PAN2: variants seen among roughly 807,000 people sequenced by gnomAD.
PAN2 encodes poly(A) specific ribonuclease subunit PAN2.
In PAN2, 68 loss-of-function variants were observed where a neutral mutation model predicts 133.3. That is an observed-to-expected ratio of 0.51 (90% CI 0.42 to 0.62). The LOEUF (loss-of-function observed/expected upper bound fraction) is 0.62, where lower values mean the gene tolerates loss of function less well. Ranked by LOEUF, PAN2 falls within the 20% of genes least tolerant of loss-of-function variation. The pLI is 0.00. For synonymous variants in PAN2, 462 were observed against 544.6 expected, an observed-to-expected ratio of 0.85 and a Z score of 2.11; for missense variants, 1,042 against 1,500.5, an observed-to-expected ratio of 0.69 and a Z score of 5.05.
intron 6 of PAN2, 107 bp downstream of exon 6, chr12:56,327,257 G>A (rs1165469896): frequency 1.6e-6 from 2 of 1,250,048 alleles, no homozygotes; most frequent in Non-Finnish European, 2.3e-6. Flanking sequence ...CCTGATGAAA[G>A]GTTACTTCTT....
chr12:56,329,960 AAAG>A (rs1875565288), intron 2 of PAN2, among the ~76,000 whole-genome samples: 1 of 151,618 alleles, frequency 6.6e-6, no homozygotes, highest in Non-Finnish European at 1.5e-5. Flanking sequence ...AAAAAAAAAA[AAAG>A]CCCTTCAGTG....
chr12:56,325,014 T>C lies in PAN2; in HGVS notation c.1594A>G (p.Ile532Val). 6.2e-7 allele frequency: 1 copy of C among 1,614,020 alleles called. No homozygotes were observed. The highest frequency in any genetic ancestry group is 2.2e-5 in the East Asian group (1 of 44,890). The change falls in exon 10 of 26, where the codon ATC becomes GTC. Residue 532 changes from isoleucine to valine, a missense_variant. Around this residue, in one of 3 missense-constraint regions of PAN2, gnomAD observed 908 missense variants for 1,223.5 expected, o/e 0.74. Coordinates refer to ENST00000440411, the MANE Select transcript of PAN2 (RefSeq NM_014871.6). Reference protein sequence around the residue: ...HIPNAYCNCMIQVLYFLEPVR... With the variant: ...HIPNAYCNCMVQVLYFLEPVR... ...CAGGAATACCCAACCCTTACCTGGATCATGCAGTTACAGTAGGCGTTGGGA... is the reference window on the plus strand; with the variant it reads ...CAGGAATACCCAACCCTTACCTGGACCATGCAGTTACAGTAGGCGTTGGGA...
At chr12:56,327,287 A>G (rs1875229841) in intron 6 of PAN2, 77 bp downstream of exon 6, 9 of 1,487,584 alleles carry the variant, frequency 6.1e-6, no homozygotes, top group South Asian at 2.4e-5. Context: ...AAGAGGTTTC[A>G]GGATGAGTAC....
intron 20 of PAN2, 63 bp downstream of exon 20, chr12:56,322,015 A>C: frequency 1.2e-6 from 1 of 826,138 alleles, no homozygotes. Flanking sequence ...GCAATGTCCC[A>C]GATCTCACCC....
Position 56,317,461 on chromosome 12 carries a change from T to C in PAN2, c.*148A>G. 1.5e-6 allele frequency: 1 copy of C among 675,446 alleles called. No homozygotes were observed. The highest frequency in any genetic ancestry group is 2.6e-5 in the East Asian group (1 of 38,440). 41.8% of individuals were successfully genotyped at this position (675,446 alleles called of 1,614,324 possible). On this transcript the variant is annotated 3_prime_UTR_variant, in exon 26 of 26. Coordinates refer to ENST00000440411, the MANE Select transcript of PAN2 (RefSeq NM_014871.6). Reference sequence around the variant, plus strand: ...TGCAACAATTCTGCTGTGTTCCAGTTCAATTAATAGCACCATCTGTGACCC... The same window carrying C: ...TGCAACAATTCTGCTGTGTTCCAGTCCAATTAATAGCACCATCTGTGACCC...
chr12:56,329,551 G>A (rs948530608), intron 2 of PAN2, among the ~76,000 whole-genome samples: 23 of 151,576 alleles, frequency 1.5e-4, no homozygotes, highest in Non-Finnish European at 3.2e-4. Flanking sequence ...GGCTGGTTTC[G>A]AACTCCTGAC....
Position 56,319,998 on chromosome 12 carries a change from C to T in PAN2, c.2812G>A (p.Val938Ile). 1.2e-6 allele frequency: 2 copies of T among 1,614,172 alleles called. No individual in the cohort carries two copies. The highest frequency in any genetic ancestry group is 1.7e-6 in the Non-Finnish European group (2 of 1,180,032). Residue 938 changes from valine (V) to isoleucine (I), a missense_variant, in exon 21 of 26, where the codon GTC (valine) becomes ATC (isoleucine). Physicochemically the swap from Val to Ile is conservative, Grantham distance 29 (BLOSUM62 3). Transcript: ENST00000440411. The surrounding 1 kb of genome is among the most constrained non-coding windows in gnomAD (Gnocchi z 5.4). ...LNIKNPIEASVLLAEASLARK... is the reference protein window; with the variant it reads ...LNIKNPIEASILLAEASLARK... The stretch of plus-strand genomic sequence containing the variant: ...GCCAGCGAGGCTTCAGCCAGCAAGA[C>T]ACTTGCCTCAATAGGGTTCTTGACT...
chr12:56,331,558 G>A (rs1290901731), intron 2 of PAN2, among the ~76,000 whole-genome samples: 1 of 152,144 alleles, frequency 6.6e-6, no homozygotes, highest in East Asian at 1.9e-4. Context: ...CAAGGATTAT[G>A]TTTTATTTAG....
chr12:56,322,205 T>C (rs761246305), intron 19 of PAN2, 37 bp from the exon 20 acceptor site: 2 of 1,344,170 alleles, frequency 1.5e-6, no homozygotes, highest in South Asian at 2.4e-5. Flanking sequence ...CTAATGTATA[T>C]CACCCTTTTC....
rs879005221 is a variant in PAN2 at position 56,319,913 on chromosome 12, T to C, written c.2897A>G (p.Gln966Arg). The change falls in exon 21 of 26, where the codon CAG becomes CGG. Residue 966 changes from glutamine to arginine, a missense_variant. Physicochemically the swap from Gln to Arg is conservative, Grantham distance 43 (BLOSUM62 1). Transcript: ENST00000440411. This position sits in a 1 kb window ranked among gnomAD's most constrained non-coding sequence, Gnocchi z 5.4. ...ATCCAGACCCACCAGGTCCCCAATC[T>C]GTGGCATCTCATTCAGCATCAGTGG... Reference protein sequence around the residue: ...FIPLMLNEMPQIGDLVGLDAE... With the variant: ...FIPLMLNEMPRIGDLVGLDAE... The C allele has an allele frequency of 6.2e-7, 1 of 1,614,248 alleles. No homozygotes were observed. The highest frequency in any genetic ancestry group is 1.1e-5 in the South Asian group (1 of 91,088).
Position 56,317,385 on chromosome 12 carries a change from C to T in PAN2, c.*224G>A. 1 of 586,056 alleles carries T rather than the reference C, an allele frequency of 1.7e-6. No homozygotes were observed. The highest frequency in any genetic ancestry group is 3.1e-6 in the Non-Finnish European group (1 of 325,604). The allele number at this position is 586,056 out of a possible 1,614,324, so 36.3% of individuals were successfully genotyped here. A position where few individuals can be genotyped will look rare whatever the true frequency, so the allele number is the denominator to read the frequency against. Reference sequence around the variant, plus strand: ...GTCAATTCTAGACTCCATGTCTGTACCACTGTTTTGCAAAGAATGAAGAAG... The same window carrying T: ...GTCAATTCTAGACTCCATGTCTGTATCACTGTTTTGCAAAGAATGAAGAAG... On this transcript the variant is annotated 3_prime_UTR_variant, in exon 26 of 26. Transcript: ENST00000440411.
At position 56,324,661 on chromosome 12, in the gene PAN2, A is replaced by G; in HGVS notation, c.1648T>C (p.Cys550Arg). The G allele has an allele frequency of 6.2e-7, 1 of 1,614,170 alleles. No individual in the cohort carries two copies. Among genetic ancestry groups the G allele is most frequent in the South Asian group, 1.1e-5 (1 of 91,082 alleles). The part of the protein sequence containing the change: ...PVRCLIQNHL[C>R]QKEFCLACEL... ...CATGCCAGACAGAACTCCTTCTGGC[A>G]AAGGTGGTTTTGAATTAGACAGCGT... is the stretch of plus-strand genomic sequence containing the variant. Residue 550 changes from cysteine to arginine, a missense_variant, in exon 11 of 26, where the codon TGC (cysteine) becomes CGC (arginine). Physicochemically the swap from Cys to Arg is radical, Grantham distance 180. This residue lies in a region of PAN2 where 908 missense variants were observed against 1,223.5 expected (regional missense o/e 0.74). Transcript: ENST00000440411.
chr12:56,328,440 C>T (rs745487595), intron 3 of PAN2, 32 bp downstream of exon 3: 24 of 1,611,058 alleles, frequency 1.5e-5, no homozygotes, highest in South Asian at 1.1e-4. Flanking sequence ...GAGGCATCCT[C>T]GTTCCTAGTC....
chr12:56,321,473 C>G (rs1874525325), intron 20 of PAN2, among the ~76,000 whole-genome samples: 1 of 150,312 alleles, frequency 6.7e-6, no homozygotes, highest in Non-Finnish European at 1.5e-5. Context: ...AAGTGATCTG[C>G]CCGCCTCAGC....
In PAN2 at chr12:56,323,574, G is replaced by A; in HGVS notation, c.2197C>T (p.Leu733=). 1 of 1,614,160 alleles carries A rather than the reference G, an allele frequency of 6.2e-7. No homozygotes were observed. Among genetic ancestry groups the A allele is most frequent in the Non-Finnish European group, 8.5e-7 (1 of 1,179,982 alleles). The change falls in exon 15 of 26, where the codon CTG becomes TTG. Residue 733 remains leucine, a synonymous_variant. Transcript: ENST00000440411. ...PTIQTRNIRH[L]PDILVINCEV... is the part of the protein sequence containing the mutation. ...CAATTGATGACAAGAATATCTGGCA[G>A]ATGGCGGATGTTGCGGGTCTGAATC... is the stretch of plus-strand genomic sequence containing the variant.
At position 56,317,543 on chromosome 12, in the gene PAN2, C is replaced by A. The variant is rs1015607257; in HGVS notation, c.*66G>T. ...GACAAGGTATAGCCAACTTAGGAAG[C>A]CATCTCCCAGTTCTGGGGCTATAGA... On this transcript the variant is annotated 3_prime_UTR_variant, in exon 26 of 26. Transcript: ENST00000440411. 1.4e-6 allele frequency: 2 copies of A among 1,415,646 alleles called. No individual in the cohort carries two copies. The highest frequency in any genetic ancestry group is 1.0e-6 in the Non-Finnish European group (1 of 1,001,978). The allele number at this position is 1,415,646 out of a possible 1,614,324, so 87.7% of individuals were successfully genotyped here.
Position 56,326,325 on chromosome 12 carries a change from C to G in PAN2, c.1347G>C (p.Arg449Ser). 6.2e-7 allele frequency: 1 copy of G among 1,601,100 alleles called. No individual in the cohort carries two copies. Among genetic ancestry groups the G allele is most frequent in the South Asian group, 1.1e-5 (1 of 90,004 alleles). Residue 449 changes from arginine (R) to serine (S), a missense_variant, in exon 8 of 26, where the codon AGG (arginine) becomes AGC (serine). Coordinates refer to ENST00000440411, the MANE Select transcript of PAN2 (RefSeq NM_014871.6). Reference sequence around the variant, plus strand: ...ACTCTGAACACACCTGATTGCGCAGCCTGGTGCGGGGATTGGGCGCATAGC... The same window carrying G: ...ACTCTGAACACACCTGATTGCGCAGGCTGGTGCGGGGATTGGGCGCATAGC... ...FIGYAPNPRT[R>S]LRNQIPYRLK...
At chr12:56,325,918 T>C (rs560907375) in intron 8 of PAN2, among the ~76,000 whole-genome samples, 1 of 152,334 alleles carries the variant, frequency 6.6e-6, no homozygotes, top group Admixed American at 6.5e-5. Context: ...ATCTTGGATA[T>C]TCTCCTCTGT....
At chr12:56,332,740 C>A in intron 2 of PAN2, 73 bp downstream of exon 2, 1 of 1,501,016 alleles carries the variant, frequency 6.7e-7, no homozygotes. Flanking sequence ...ATCTGCAAAG[C>A]AGCTTCCTTG....
Sources: allele counts gnomAD v4.1 joint callset (sites outside exome capture counted in the v4.1 genomes callset), GRCh38; gene constraint gnomAD v4.1.1; regional missense constraint gnomAD v4.1.1; non-coding constraint Gnocchi (gnomAD v3.1); transcripts MANE v1.5; gene names NCBI Gene and HGNC (gene_info 2026-07-23, HGNC 2026-07-21).